ACVR1: variants seen among roughly 807,000 people sequenced by gnomAD.
ACVR1 encodes the protein activin A receptor type 1.
In ACVR1, 38 loss-of-function variants were observed where a neutral mutation model predicts 57.1. The observed-to-expected ratio is 0.67, with a 90% CI of 0.51 to 0.87. The LOEUF is 0.87. ACVR1 is among the 40% of genes least tolerant of loss of function. The pLI, the probability that ACVR1 is intolerant of heterozygous loss-of-function variation, is 0.00. For missense variants in ACVR1, 463 were observed against 638.2 expected (o/e 0.73, Z 2.96); for synonymous variants, 212 against 228.1 (o/e 0.93, Z 0.63).
intron 1 of ACVR1, among the ~76,000 whole-genome samples, chr2:157,868,502 C>T (rs1006541578): frequency 2.0e-5 from 3 of 148,166 alleles, no homozygotes; most frequent in Non-Finnish European, 4.5e-5. Flanking sequence ...AAAAAAAAAT[C>T]TGCAACTATC....
At chr2:157,748,921 G>T (rs1685072543) in intron 9 of ACVR1, among the ~76,000 whole-genome samples, 1 of 152,208 alleles carries the variant, frequency 6.6e-6, no homozygotes, top group African/African-American at 2.4e-5. Context: ...GTGGAATGTG[G>T]AATGGAAACA....
At chr2:157,825,314 TCAGCCTTTACCCAGTTAA>T (rs1688305990) in intron 1 of ACVR1, among the ~76,000 whole-genome samples, 1 of 152,154 alleles carries the variant, frequency 6.6e-6, no homozygotes, top group African/African-American at 2.4e-5. Flanking sequence ...TCAAGTTCCA[TCAGCCTTTACCCAGTTAA>T]CAGGTCTGTG....
intron 9 of ACVR1, among the ~76,000 whole-genome samples, chr2:157,750,897 TA>T (rs546275605): frequency 0.017 from 2,564 of 146,678 alleles, 62 homozygotes; most frequent in African/African-American, 0.06. Context: ...TGGGTATCAT[TA>T]AAAAAAAAAA....
At chr2:157,756,059 G>A (rs1685414351) in intron 9 of ACVR1, among the ~76,000 whole-genome samples, 1 of 151,688 alleles carries the variant, frequency 6.6e-6, no homozygotes. Context: ...AAAACATAAA[G>A]TGGGGAAGGA....
intron 1 of ACVR1, among the ~76,000 whole-genome samples, chr2:157,871,345 G>A (rs1015996679): frequency 2.6e-5 from 4 of 152,196 alleles, no homozygotes; most frequent in Non-Finnish European, 5.9e-5. Flanking sequence ...CCAAAAAGGA[G>A]GGGAGTGAGG....
At chr2:157,839,075 TTTTAA>T (rs1288372591) in intron 1 of ACVR1, among the ~76,000 whole-genome samples, 1 of 152,164 alleles carries the variant, frequency 6.6e-6, no homozygotes. Context: ...AATGGTTTAT[TTTTAA>T]TTTATTTATT....
intron 1 of ACVR1, among the ~76,000 whole-genome samples, chr2:157,840,350 C>T (rs777051483): frequency 1.3e-5 from 2 of 152,178 alleles, no homozygotes; most frequent in Admixed American, 6.5e-5. Context: ...CGCAAACGAA[C>T]GCATAAATTA....
rs1330279798 is a variant in ACVR1, at chr2:157,820,976, CAAAT to C, written c.-182-2421_-182-2418del. Among the ~76,000 whole-genome samples the C allele has an allele frequency of 2.0e-5, 3 of 152,128 alleles. No homozygotes were observed. The East Asian group carries it at 5.8e-4, about 29-fold the overall frequency. ...TTTGTTTTAAAATTCATTGGACTCT[CAAAT>C]AAACCATGGACTGAAATCAAAACTG... On this transcript the variant is annotated intron_variant, in intron 1 of 10. Coordinates refer to ENST00000434821, the MANE Select transcript of ACVR1 (RefSeq NM_001111067.4).
chr2:157,867,215 A>T (rs940201090), intron 1 of ACVR1, among the ~76,000 whole-genome samples: 8 of 152,044 alleles, frequency 5.3e-5, no homozygotes, highest in Non-Finnish European at 1.2e-4. Flanking sequence ...CCTCCCTCTC[A>T]TTGCAAAAGT....
At chr2:157,832,561 G>C (rs1376555123) in intron 1 of ACVR1, among the ~76,000 whole-genome samples, 1 of 152,100 alleles carries the variant, frequency 6.6e-6, no homozygotes, top group Non-Finnish European at 1.5e-5. Context: ...TAAATCTCTG[G>C]ACTCTTTAAT....
At chr2:157,750,047 C>T (rs918311247) in intron 9 of ACVR1, among the ~76,000 whole-genome samples, 2 of 152,312 alleles carry the variant, frequency 1.3e-5, no homozygotes, top group South Asian at 4.1e-4. Flanking sequence ...TGCTAGCACC[C>T]GCACACACAT....
intron 1 of ACVR1, among the ~76,000 whole-genome samples, chr2:157,827,939 T>A (rs186058322): frequency 4.6e-5 from 7 of 152,190 alleles, no homozygotes; most frequent in African/African-American, 1.4e-4. Context: ...TCCTTCTAGC[T>A]CAAAGATTCT....
chr2:157,797,200 A>G (rs1687155491), intron 3 of ACVR1, among the ~76,000 whole-genome samples: 1 of 152,248 alleles, frequency 6.6e-6, no homozygotes. Flanking sequence ...GAGAAGTATA[A>G]TATATGTCAT....
intron 3 of ACVR1, among the ~76,000 whole-genome samples, chr2:157,788,443 T>A (rs1686791300): frequency 6.6e-6 from 1 of 152,270 alleles, no homozygotes; most frequent in Non-Finnish European, 1.5e-5. Flanking sequence ...GATGCTACCA[T>A]CCTGCTAGTC....
At chr2:157,776,032 T>C (rs79107479) in intron 5 of ACVR1, among the ~76,000 whole-genome samples, 96 of 152,332 alleles carry the variant, frequency 6.3e-4, no homozygotes, top group African/African-American at 2.3e-3. Context: ...CAAGGCTTGT[T>C]TTTCAATGTA....
chr2:157,783,863 C>T (rs898835088), intron 3 of ACVR1, among the ~76,000 whole-genome samples: 6 of 151,988 alleles, frequency 3.9e-5, no homozygotes, highest in African/African-American at 1.5e-4. Flanking sequence ...TTTATATATA[C>T]CCAAATATAA....
chr2:157,765,789 T>G (rs1387873920), intron 8 of ACVR1, 132 bp downstream of exon 8: 3 of 831,928 alleles, frequency 3.6e-6, no homozygotes, highest in Non-Finnish European at 5.8e-6. Flanking sequence ...TATAAAGGTG[T>G]TCATTGTAAA....
intron 7 of ACVR1, among the ~76,000 whole-genome samples, chr2:157,767,864 T>C (rs1288572052): frequency 3.3e-5 from 5 of 151,926 alleles, no homozygotes; most frequent in Non-Finnish European, 5.9e-5. Context: ...CCCTATTTGA[T>C]CATCATCATC....
chr2:157,872,183 A>T (rs574444031), intron 1 of ACVR1, among the ~76,000 whole-genome samples: 1 of 152,334 alleles, frequency 6.6e-6, no homozygotes, highest in African/African-American at 2.4e-5. Flanking sequence ...CCAGGAATAA[A>T]GCCACAGTGC....
Sources: allele counts gnomAD v4.1 joint callset (sites outside exome capture counted in the v4.1 genomes callset), GRCh38; gene constraint gnomAD v4.1.1; transcripts MANE v1.5; gene names NCBI Gene and HGNC (gene_info 2026-07-23, HGNC 2026-07-21).